Variants in ARHGAP8 observed in about 807,000 individuals in gnomAD.
ARHGAP8 encodes the protein Rho GTPase activating protein 8.
A neutral mutation model predicts 46.1 loss-of-function variants in ARHGAP8; 62 were observed. The ratio of observed to expected loss-of-function variants is 1.34; its 90% CI spans 1.10 to 1.66. ARHGAP8 has a LOEUF of 1.66. Among genes scored for constraint, ARHGAP8 ranks in the 40% most tolerant of loss-of-function variants. ARHGAP8 has a pLI of 0.00. For missense variants in ARHGAP8, 923 were observed against 568.4 expected, an observed-to-expected ratio of 1.62 and a Z score of -6.34; for synonymous variants, 375 against 243.1, an observed-to-expected ratio of 1.54 and a Z score of -5.05.
intron 5 of ARHGAP8, among the ~76,000 whole-genome samples, chr22:44,820,418 G>A (rs1569161648): frequency 2.6e-5 from 4 of 152,314 alleles, no homozygotes; most frequent in Admixed American, 2.6e-4. Context: ...TTTGCCCTTA[G>A]TGGGTTCCTC....
chr22:44,857,633 C>A (rs984719272), intron 10 of ARHGAP8, among the ~76,000 whole-genome samples: 3 of 152,118 alleles, frequency 2.0e-5, no homozygotes, highest in Non-Finnish European at 4.4e-5. Flanking sequence ...GACATGCCAT[C>A]TTCAGAGATG....
At chr22:44,764,399 G>A (rs1157798058) in intron 1 of ARHGAP8, among the ~76,000 whole-genome samples, 2 of 152,248 alleles carry the variant, frequency 1.3e-5, no homozygotes, top group Admixed American at 6.5e-5. Context: ...TGACAGCCAC[G>A]TCCTGGTGCC....
intron 4 of ARHGAP8, among the ~76,000 whole-genome samples, chr22:44,813,221 G>A (rs1929462659): frequency 6.6e-6 from 1 of 151,482 alleles, no homozygotes; most frequent in South Asian, 2.1e-4. Flanking sequence ...ACAGAGTTAG[G>A]GTATGTGTGT....
At chr22:44,858,802 C>T (rs2070325308) in intron 10 of ARHGAP8, among the ~76,000 whole-genome samples, 1 of 150,466 alleles carries the variant, frequency 6.6e-6, no homozygotes, top group Non-Finnish European at 1.5e-5. Context: ...TTTCCAAGAG[C>T]AACAAAGTGT....
intron 1 of ARHGAP8, among the ~76,000 whole-genome samples, chr22:44,779,631 G>C (rs1396796570): frequency 7.0e-6 from 1 of 142,498 alleles, no homozygotes; most frequent in Non-Finnish European, 1.5e-5. Context: ...GGGTGATCTC[G>C]GCTCACTGCA....
At chr22:44,800,252 T>C (rs1468323759) in intron 2 of ARHGAP8, among the ~76,000 whole-genome samples, 5 of 151,996 alleles carry the variant, frequency 3.3e-5, no homozygotes, top group African/African-American at 1.2e-4. Context: ...TGTAGACATG[T>C]GCCACCACGC....
chr22:44,848,077 C>T lies in ARHGAP8; in HGVS notation c.748+27C>T, dbSNP rs764315278. The T allele has an allele frequency of 3.7e-6, 6 of 1,602,794 alleles. No homozygotes were observed. In the South Asian group the frequency reaches 5.5e-5, roughly 15 times the overall value. On this transcript the variant is annotated intron_variant, in intron 9 of 11. Coordinates refer to ENST00000356099, the MANE Select transcript of ARHGAP8 (RefSeq NM_181335.3). ...TGAGGGTGTCCCGCAGTCCTGAGCCCCGAGCTGCCTGGTCAGCGAGCACAG... is the reference window on the plus strand; with the variant it reads ...TGAGGGTGTCCCGCAGTCCTGAGCCTCGAGCTGCCTGGTCAGCGAGCACAG...
At chr22:44,829,670 A>C (rs554095001) in intron 7 of ARHGAP8, among the ~76,000 whole-genome samples, 1 of 152,384 alleles carries the variant, frequency 6.6e-6, no homozygotes, top group South Asian at 2.1e-4. Flanking sequence ...ATTATAATAA[A>C]ATGGCAATAA....
At chr22:44,822,236 G>A (rs566487805) in intron 5 of ARHGAP8, 135 bp from the exon 6 acceptor site, 109 of 709,518 alleles carry the variant, frequency 1.5e-4, no homozygotes, top group African/African-American at 2.5e-4. Context: ...GTTTTAAGTC[G>A]TGTCAGCGTT....
intron 5 of ARHGAP8, among the ~76,000 whole-genome samples, chr22:44,817,705 G>C (rs532245627): frequency 1.9e-4 from 29 of 152,312 alleles, no homozygotes; most frequent in South Asian, 4.1e-4. Context: ...TCAGGAAGCT[G>C]AGGCAGGAGA....
At chr22:44,860,111 C>T (rs760505744) in intron 11 of ARHGAP8, among the ~76,000 whole-genome samples, 5 of 152,228 alleles carry the variant, frequency 3.3e-5, no homozygotes, top group South Asian at 2.1e-4. Context: ...TTATTGGGGT[C>T]CTCTGCCCCC....
At chr22:44,808,762 G>A (rs182846506) in intron 4 of ARHGAP8, 4 of 473,792 alleles carry the variant, frequency 8.4e-6, no homozygotes, top group Non-Finnish European at 1.6e-5. Flanking sequence ...TCAGGAGTTC[G>A]AGACCAGGCT....
chr22:44,802,648 T>C (rs1483487380), intron 3 of ARHGAP8, among the ~76,000 whole-genome samples: 1 of 152,168 alleles, frequency 6.6e-6, no homozygotes, highest in Non-Finnish European at 1.5e-5. Context: ...TCCATGGTTC[T>C]GGAGGGCACC....
rs1206578851 is a variant in ARHGAP8, at chr22:44,819,216, G to A, written c.387-3155G>A. On this transcript the variant is annotated intron_variant, in intron 5 of 11. Transcript: ENST00000356099. ...TCCAAGTAGTTGGGACTACAGGCAC[G>A]CCACCATGCCCAGCTAAATTTTGAA... 2.6e-5 allele frequency among the ~76,000 whole-genome samples: 4 copies of A among 152,086 alleles called. No homozygotes were observed. In the South Asian group the frequency reaches 6.2e-4, roughly 24 times the overall value.
chr22:44,860,621 G>A (rs1569188302), intron 11 of ARHGAP8, among the ~76,000 whole-genome samples: 1 of 113,904 alleles, frequency 8.8e-6, no homozygotes, highest in African/African-American at 3.6e-5. Flanking sequence ...TCTTAGAGGG[G>A]CCACCATTCA....
intron 7 of ARHGAP8, among the ~76,000 whole-genome samples, chr22:44,842,987 C>G (rs1370354258): frequency 1.3e-5 from 2 of 152,154 alleles, no homozygotes; most frequent in Non-Finnish European, 2.9e-5. Context: ...TCATTTTCAT[C>G]TTGGTGAAGG....
Position 44,862,569 on chromosome 22 carries a change from C to G in ARHGAP8, c.1276C>G (p.Leu426Val), listed in dbSNP as rs1189946117. 6.3e-7 allele frequency: 1 copy of G among 1,591,468 alleles called. No homozygotes were observed. The highest frequency in any genetic ancestry group is 1.1e-5 in the South Asian group (1 of 89,742). The stretch of plus-strand genomic sequence containing the variant: ...CAAGCCTACCCTACCTCCGAGTCCC[C>G]TGATGGCAGCCAGAAGACGTCTCTA... ...LTKPTLPPSPLMAARRRL is the reference protein window; with the variant it reads ...LTKPTLPPSPVMAARRRL The change falls in exon 12 of 12, where the codon CTG becomes GTG. Residue 426 changes from leucine to valine, a missense_variant. By Grantham distance (32) the Leu-to-Val change is conservative (BLOSUM62 1). Transcript: ENST00000356099.
intron 4 of ARHGAP8, 25 bp from the exon 5 acceptor site, chr22:44,814,647 A>G (rs2147103003): frequency 6.2e-7 from 1 of 1,607,684 alleles, no homozygotes; most frequent in Non-Finnish European, 8.5e-7. Context: ...GGCAGCCTGA[A>G]GTCATCCCCC....
rs984801016 is a variant in ARHGAP8, at chr22:44,829,097, A to G, written c.596+3504A>G. ...AGACCAGCCTGGCCGGTATGGTGAA[A>G]CCCTATCTCTACTAAAAATACAAAA... On this transcript the variant is annotated intron_variant, in intron 7 of 11. Coordinates refer to ENST00000356099, the MANE Select transcript of ARHGAP8 (RefSeq NM_181335.3). 2.9e-4 allele frequency among the ~76,000 whole-genome samples: 37 copies of G among 125,692 alleles called. 1 individual carries two copies. The highest frequency in any genetic ancestry group is 6.0e-3 in the Middle Eastern group (1 of 166). 82.5% of individuals were successfully genotyped at this position (125,692 alleles called of 152,430 possible).
Sources: allele counts gnomAD v4.1 joint callset (sites outside exome capture counted in the v4.1 genomes callset), GRCh38; gene constraint gnomAD v4.1.1; transcripts MANE v1.5; gene names NCBI Gene and HGNC (gene_info 2026-07-23, HGNC 2026-07-21).